ZNF670: variants seen among roughly 807,000 people sequenced by gnomAD.
ZNF670 encodes zinc finger protein 670.
In ZNF670, 7 loss-of-function variants were observed where a neutral mutation model predicts 10.9. The ratio of observed to expected loss-of-function variants is 0.64; its 90% CI spans 0.36 to 1.20. ZNF670 has a LOEUF of 1.20. Among genes scored for constraint, ZNF670 ranks in the 50% most tolerant of loss-of-function variants. The probability of loss-of-function intolerance (pLI) is 0.02; values close to 1 mark genes in which losing one functional copy is unlikely to be tolerated. For synonymous variants in ZNF670, 136 were observed against 152.7 expected, an observed-to-expected ratio of 0.89 and a Z score of 0.81; for missense variants, 446 against 458.6, an observed-to-expected ratio of 0.97 and a Z score of 0.25.
chr1:247,039,060 C>CTTTTTTTTTTTTTTTTTTTT (rs3078762), intron 2 of ZNF670, among the ~76,000 whole-genome samples, 190 bp from the exon 3 acceptor site: 1 of 125,642 alleles, frequency 8.0e-6, no homozygotes, highest in African/African-American at 3.1e-5. Flanking sequence ...TTCTTTCTTT[C>CTTTTTTTTTTTTTTTTTTTT]TTTTTTTTTT....
At chr1:247,059,251 C>T (rs939368537) in intron 1 of ZNF670, among the ~76,000 whole-genome samples, 1 of 151,786 alleles carries the variant, frequency 6.6e-6, no homozygotes, top group South Asian at 2.1e-4. Flanking sequence ...ACCATCCTGG[C>T]TAACACGGTG....
chr1:247,051,782 ATT>A (rs58493948), intron 1 of ZNF670, among the ~76,000 whole-genome samples: 29,574 of 138,178 alleles, frequency 0.21, 2,807 homozygotes, highest in South Asian at 0.25. Context: ...TTCTTTTTTC[ATT>A]TTTTTTTTTT....
rs970737105 is a variant in ZNF670, at chr1:247,036,915, T to C, written c.*534A>G. 2 of 114,998 alleles carry C rather than the reference T, an allele frequency of 1.7e-5. No homozygotes were observed. The highest frequency in any genetic ancestry group is 6.3e-5 in the African/African-American group (2 of 31,684). 7.1% of individuals were successfully genotyped at this position (114,998 alleles called of 1,614,324 possible). ...ACACACACACACACATGAACTCATT[T>C]TTCATTGGTCCATTAATTAGAGAAC... On this transcript the variant is annotated 3_prime_UTR_variant, in exon 4 of 4. Transcript: ENST00000366503.
Position 247,038,447 on chromosome 1 carries a change from C to A in ZNF670, c.192-20G>T. On this transcript the variant is annotated intron_variant, in intron 3 of 3. Transcript: ENST00000366503. ...TGACTGCTGTAAAAATGATAAACAT[C>A]ATTAATGGTACATTTATTCATGGTT... The A allele has an allele frequency of 6.3e-7, 1 of 1,576,410 alleles. No homozygotes were observed. Among genetic ancestry groups the A allele is most frequent in the Non-Finnish European group, 8.6e-7 (1 of 1,165,390 alleles).
Position 247,037,329 on chromosome 1 carries a change from G to C in ZNF670, c.*120C>G. On this transcript the variant is annotated 3_prime_UTR_variant, in exon 4 of 4. Transcript: ENST00000366503. Reference sequence around the variant, plus strand: ...GCATACATTCTAATCTTCCTTACATGTGTTGGGTTTCTCTCTAATTTGAGT... The same window carrying C: ...GCATACATTCTAATCTTCCTTACATCTGTTGGGTTTCTCTCTAATTTGAGT... The C allele has an allele frequency of 8.3e-7, 1 of 1,211,826 alleles. No individual in the cohort carries two copies. The highest frequency in any genetic ancestry group is 1.1e-6 in the Non-Finnish European group (1 of 892,658). 75.1% of individuals were successfully genotyped at this position (1,211,826 alleles called of 1,614,324 possible). A position where few individuals can be genotyped will look rare whatever the true frequency, so the allele number is the denominator to read the frequency against.
chr1:247,055,551 A>C (rs1270960551), intron 1 of ZNF670, among the ~76,000 whole-genome samples: 2 of 152,136 alleles, frequency 1.3e-5, no homozygotes, highest in African/African-American at 4.8e-5. Context: ...CCCTTTCTAT[A>C]CACGCTCCTT....
intron 1 of ZNF670, among the ~76,000 whole-genome samples, chr1:247,075,630 T>C (rs192352771): frequency 0.023 from 3,477 of 151,862 alleles, 140 homozygotes; most frequent in African/African-American, 0.078. Context: ...GGAGTTTCCC[T>C]GCACAAGCTC....
Position 247,037,489 on chromosome 1 carries a change from GAAC to G in ZNF670, c.1127_1129del (p.Cys376del), listed in dbSNP as rs1558334475. ...TCTTTCATGCTTTCGAAGGGAACTG[GAAC>G]AACTGAAGGCTTTACCACATTTCTT... On this transcript the variant is annotated inframe_deletion, in exon 4 of 4. Transcript: ENST00000366503. 2 of 1,613,676 alleles carry G rather than the reference GAAC, an allele frequency of 1.2e-6. No individual in the cohort carries two copies. Among genetic ancestry groups the G allele is most frequent in the Admixed American group, 1.7e-5 (1 of 59,944 alleles).
At chr1:247,073,344 G>C (rs371444856) in intron 1 of ZNF670, among the ~76,000 whole-genome samples, 215 of 152,066 alleles carry the variant, frequency 1.4e-3, no homozygotes, top group African/African-American at 5.1e-3. Context: ...CCAAGCTTGG[G>C]GGCCACTCTC....
intron 1 of ZNF670, among the ~76,000 whole-genome samples, chr1:247,070,756 G>A (rs961981405): frequency 1.2e-4 from 18 of 152,136 alleles, no homozygotes; most frequent in Admixed American, 1.2e-3. Flanking sequence ...TTAATATCCA[G>A]GATCTATAAG....
intron 1 of ZNF670, among the ~76,000 whole-genome samples, chr1:247,078,240 G>A (rs1671298640): frequency 6.6e-6 from 1 of 152,228 alleles, no homozygotes; most frequent in Non-Finnish European, 1.5e-5. Flanking sequence ...ACAGGAGAAA[G>A]GAGGATTTGG....
At chr1:247,073,344 G>A (rs371444856) in intron 1 of ZNF670, among the ~76,000 whole-genome samples, 9 of 151,950 alleles carry the variant, frequency 5.9e-5, no homozygotes, top group Non-Finnish European at 1.2e-4. Context: ...CCAAGCTTGG[G>A]GGCCACTCTC....
Position 247,036,167 on chromosome 1 carries a change from GA to G in ZNF670, c.*1281del, listed in dbSNP as rs1670145283. ...ACCACAAATCATCTCAATAGATGCAGAAAAAAACATGTCATAAGAGTTCAAC... is the reference window on the plus strand; with the variant it reads ...ACCACAAATCATCTCAATAGATGCAGAAAAAACATGTCATAAGAGTTCAAC... On this transcript the variant is annotated 3_prime_UTR_variant, in exon 4 of 4. Transcript: ENST00000366503. Among the ~76,000 whole-genome samples the G allele has an allele frequency of 6.6e-6, 1 of 151,930 alleles. No homozygotes were observed. The highest frequency in any genetic ancestry group is 2.4e-5 in the African/African-American group (1 of 41,372).
chr1:247,063,302 G>A (rs540580729), intron 1 of ZNF670, among the ~76,000 whole-genome samples: 8 of 152,108 alleles, frequency 5.3e-5, no homozygotes, highest in East Asian at 1.9e-4. Flanking sequence ...GGCCAGGCGC[G>A]GTGGCTCACG....
At position 247,050,108 on chromosome 1, in the gene ZNF670, T is replaced by A. The variant is rs1670556349; in HGVS notation, c.4-10571A>T. On this transcript the variant is annotated intron_variant, in intron 1 of 3. Transcript: ENST00000366503. Reference sequence around the variant, plus strand: ...CTTTCTGTCTTGACCTGTCTAGTGCTGTCAGTGGAGTATTGAAGTCCCCCA... The same window carrying A: ...CTTTCTGTCTTGACCTGTCTAGTGCAGTCAGTGGAGTATTGAAGTCCCCCA... Among the ~76,000 whole-genome samples, 3 of 152,232 alleles carry A rather than the reference T, an allele frequency of 2.0e-5. No individual in the cohort carries two copies. The East Asian group carries it at 5.8e-4, about 29-fold the overall frequency.
intron 1 of ZNF670, among the ~76,000 whole-genome samples, chr1:247,042,613 C>G (rs1670341822): frequency 6.6e-6 from 1 of 152,116 alleles, no homozygotes; most frequent in Admixed American, 6.5e-5. Context: ...AGAGAGCACC[C>G]AGGCTTGTTT....
intron 1 of ZNF670, chr1:247,043,606 G>A: frequency 1.7e-6 from 1 of 593,438 alleles, no homozygotes. Flanking sequence ...AGCACCAGCA[G>A]ATGTCAGAAT....
At chr1:247,059,809 A>T (rs1188152616) in intron 1 of ZNF670, among the ~76,000 whole-genome samples, 1 of 152,224 alleles carries the variant, frequency 6.6e-6, no homozygotes, top group Non-Finnish European at 1.5e-5. Context: ...AGATTATAGC[A>T]AAGTGGTACA....
chr1:247,039,858 C>T (rs1331517872), intron 1 of ZNF670, among the ~76,000 whole-genome samples: 3 of 151,588 alleles, frequency 2.0e-5, no homozygotes, highest in Admixed American at 6.6e-5. Context: ...CCTCTCATAA[C>T]GAAGTCATGC....
Sources: allele counts gnomAD v4.1 joint callset (sites outside exome capture counted in the v4.1 genomes callset), GRCh38; gene constraint gnomAD v4.1.1; transcripts MANE v1.5; gene names NCBI Gene and HGNC (gene_info 2026-07-23, HGNC 2026-07-21).